UBP1: variants seen among roughly 807,000 people sequenced by gnomAD.
UBP1 encodes the protein upstream binding protein 1.
A neutral mutation model predicts 76.1 loss-of-function variants in UBP1; 22 were observed. The observed-to-expected ratio is 0.29, with a 90% confidence interval of 0.21 to 0.41. UBP1 has a LOEUF of 0.41. UBP1 is among the 10% of genes least tolerant of loss of function. The pLI, the probability that UBP1 is intolerant of heterozygous loss-of-function variation, is 1.00. For missense variants in UBP1, 436 were observed against 668.1 expected (o/e 0.65, Z 3.83); for synonymous variants, 224 against 237.1 (o/e 0.94, Z 0.51).
intron 2 of UBP1, among the ~76,000 whole-genome samples, chr3:33,417,967 T>C (rs562464976): frequency 1.7e-4 from 26 of 152,288 alleles, no homozygotes; most frequent in African/African-American, 5.8e-4. Context: ...CAAAGAAAAG[T>C]TGCTTACATT....
At chr3:33,411,452 A>T in intron 5 of UBP1, 129 bp downstream of exon 5, 1 of 728,686 alleles carries the variant, frequency 1.4e-6, no homozygotes, top group Non-Finnish European at 2.3e-6. Flanking sequence ...CTAACTATGT[A>T]TATAGAAAGA....
intron 8 of UBP1, among the ~76,000 whole-genome samples, chr3:33,406,982 C>G (rs895470259): frequency 6.6e-6 from 1 of 152,178 alleles, no homozygotes. Flanking sequence ...GTCTGGATAT[C>G]CCTTTTTACT....
chr3:33,417,390 G>A (rs537864991), intron 2 of UBP1, among the ~76,000 whole-genome samples: 9 of 149,702 alleles, frequency 6.0e-5, no homozygotes, highest in African/African-American at 2.2e-4. Flanking sequence ...CATACAATAT[G>A]TGGGTATTTG....
Position 33,409,355 on chromosome 3 carries a change from C to T in UBP1, c.709-9G>A. On this transcript the variant is annotated splice_polypyrimidine_tract_variant and intron_variant, in intron 6 of 15. Coordinates refer to ENST00000283629, the MANE Select transcript of UBP1 (RefSeq NM_014517.5). ...CTGTCTGCACCTTTAGGCTTAAAAA[C>T]AAAGTATACTATTTCATCTATCAGG... is the stretch of plus-strand genomic sequence containing the variant. 1 of 1,614,036 alleles carries T rather than the reference C, an allele frequency of 6.2e-7. No individual in the cohort carries two copies. Among genetic ancestry groups the T allele is most frequent in the Admixed American group, 1.7e-5 (1 of 60,000 alleles).
In UBP1 at chr3:33,389,557, A is replaced by G. The variant is rs549765769; in HGVS notation, c.*774T>C. 1 of 152,274 alleles carries G rather than the reference A, an allele frequency of 6.6e-6. No individual in the cohort carries two copies. The highest frequency in any genetic ancestry group is 6.5e-5 in the Admixed American group (1 of 15,290). 9.4% of individuals were successfully genotyped at this position (152,274 alleles called of 1,614,324 possible). A position where few individuals can be genotyped will look rare whatever the true frequency, so the allele number is the denominator to read the frequency against. On this transcript the variant is annotated 3_prime_UTR_variant, in exon 16 of 16. Coordinates refer to ENST00000283629, the MANE Select transcript of UBP1 (RefSeq NM_014517.5). Reference sequence around the variant, plus strand: ...AAAACCACGAGTTTAAAAGGCAAGGAATCTCCAAAAATGAAAACCAGAAAC... The same window carrying G: ...AAAACCACGAGTTTAAAAGGCAAGGGATCTCCAAAAATGAAAACCAGAAAC...
chr3:33,426,046 T>C (rs1440280990), intron 1 of UBP1, among the ~76,000 whole-genome samples: 1 of 126,028 alleles, frequency 7.9e-6, no homozygotes, highest in South Asian at 2.6e-4. Context: ...TATAGCACTT[T>C]AAAAACTTCT....
chr3:33,439,029 G>A (rs1158860248), intron 1 of UBP1, among the ~76,000 whole-genome samples: 2 of 152,182 alleles, frequency 1.3e-5, no homozygotes, highest in Non-Finnish European at 2.9e-5. Context: ...AAGGATAAAG[G>A]GCGGAGACTA....
At chr3:33,429,328 G>A (rs931337464) in intron 1 of UBP1, among the ~76,000 whole-genome samples, 24 of 152,026 alleles carry the variant, frequency 1.6e-4, no homozygotes, top group African/African-American at 5.3e-4. Flanking sequence ...AATGTTAAAC[G>A]GAACTAAAAG....
At chr3:33,394,035 AAGAC>A (rs766108181) in intron 13 of UBP1, among the ~76,000 whole-genome samples, 5 of 150,842 alleles carry the variant, frequency 3.3e-5, no homozygotes, top group Admixed American at 6.6e-5. Flanking sequence ...TTATTTTTTT[AAGAC>A]AGTGTCCTTT....
chr3:33,436,651 G>C (rs2045209313), intron 1 of UBP1, among the ~76,000 whole-genome samples: 1 of 152,148 alleles, frequency 6.6e-6, no homozygotes, highest in South Asian at 2.1e-4. Flanking sequence ...CTTGGCTACA[G>C]ATGATAAATT....
At chr3:33,437,438 G>A (rs1386028183) in intron 1 of UBP1, among the ~76,000 whole-genome samples, 1 of 152,124 alleles carries the variant, frequency 6.6e-6, no homozygotes, top group African/African-American at 2.4e-5. Flanking sequence ...TCAGACCACT[G>A]ACAGAAGCCA....
At chr3:33,416,960 A>G (rs2044744966) in intron 2 of UBP1, 126 bp from the exon 3 acceptor site, 3 of 773,966 alleles carry the variant, frequency 3.9e-6, no homozygotes, top group Non-Finnish European at 6.3e-6. Flanking sequence ...TTGCTACGGA[A>G]GCAAATTCAG....
chr3:33,439,851 TC>T lies in UBP1; in HGVS notation c.-4del, dbSNP rs2045263107. 6.2e-7 allele frequency: 1 copy of T among 1,610,868 alleles called. No individual in the cohort carries two copies. Among genetic ancestry groups the T allele is most frequent in the Non-Finnish European group, 8.5e-7 (1 of 1,179,140 alleles). On this transcript the variant is annotated 5_prime_UTR_variant, in exon 1 of 16. Coordinates refer to ENST00000283629, the MANE Select transcript of UBP1 (RefSeq NM_014517.5). ...TCCATCTTGAGCACCCAGGCCATCTTCCGGCCTCGCCGTCGCCCCGCACACC... is the reference window on the plus strand; with the variant it reads ...TCCATCTTGAGCACCCAGGCCATCTTCGGCCTCGCCGTCGCCCCGCACACC...
chr3:33,393,130 A>G, intron 14 of UBP1, 182 bp downstream of exon 14: 1 of 668,786 alleles, frequency 1.5e-6, no homozygotes, highest in Admixed American at 3.7e-5. Context: ...CTTGTATTCC[A>G]TATTATCACT....
chr3:33,422,881 T>C (rs1440169098), intron 2 of UBP1, among the ~76,000 whole-genome samples: 1 of 152,130 alleles, frequency 6.6e-6, no homozygotes, highest in Non-Finnish European at 1.5e-5. Context: ...ATTTTGGGTT[T>C]AAAACTTTTT....
chr3:33,414,922 C>T (rs1166511387), intron 3 of UBP1, among the ~76,000 whole-genome samples: 2 of 152,182 alleles, frequency 1.3e-5, no homozygotes, highest in Non-Finnish European at 1.5e-5. Context: ...AAAACATTCA[C>T]TGTGCATTTA....
intron 2 of UBP1, among the ~76,000 whole-genome samples, chr3:33,418,158 A>AATG (rs1230160227): frequency 6.6e-6 from 1 of 152,252 alleles, no homozygotes; most frequent in Non-Finnish European, 1.5e-5. Context: ...TACACCATTT[A>AATG]TGTTTAAAAT....
intron 4 of UBP1, 53 bp downstream of exon 4, chr3:33,412,669 G>A (rs1396907673): frequency 2.0e-5 from 23 of 1,153,828 alleles, no homozygotes; most frequent in Non-Finnish European, 3.0e-5. Flanking sequence ...CACATTACTG[G>A]CTATAGCTAA....
chr3:33,422,753 AGAG>A (rs1361075357), intron 2 of UBP1, among the ~76,000 whole-genome samples: 1 of 112,588 alleles, frequency 8.9e-6, no homozygotes, highest in East Asian at 3.0e-4. Flanking sequence ...AGGGGGAGGG[AGAG>A]GAGGAGGGGG....
Sources: allele counts gnomAD v4.1 joint callset (sites outside exome capture counted in the v4.1 genomes callset), GRCh38; gene constraint gnomAD v4.1.1; transcripts MANE v1.5; gene names NCBI Gene and HGNC (gene_info 2026-07-23, HGNC 2026-07-21).